HDAC9: variants seen among roughly 807,000 people sequenced by gnomAD.
HDAC9 encodes the protein MEF-2 interacting transcription repressor (MITR) protein.
A neutral mutation model predicts 139.4 loss-of-function variants in HDAC9; 41 were observed. That is an observed-to-expected ratio of 0.29 (90% CI 0.23 to 0.38). The LOEUF (loss-of-function observed/expected upper bound fraction) is 0.38, where lower values mean the gene tolerates loss of function less well. Among genes scored for constraint, HDAC9 ranks in the 10% least tolerant of loss-of-function variants. The probability of loss-of-function intolerance (pLI) is 1.00; values close to 1 mark genes in which losing one functional copy is unlikely to be tolerated. For missense variants in HDAC9, 1,147 were observed against 1,297.0 expected (o/e 0.88, Z 1.78); for synonymous variants, 517 against 476.2 (o/e 1.09, Z -1.12).
rs1317279803 is a variant in HDAC9 at position 18,775,413 on chromosome 7, C to G, written c.2214+8258C>G. ...GTGAAGCACAGTAAAACAAGGTGTG[C>G]CTGTATCGAGTATCTTCCTGACGAT... On this transcript the variant is annotated intron_variant, in intron 16 of 25. Transcript: ENST00000686413. 2.0e-5 allele frequency among the ~76,000 whole-genome samples: 3 copies of G among 151,992 alleles called. No homozygotes were observed. The South Asian group carries it at 6.2e-4, about 32-fold the overall frequency.
rs544138105 is a variant in HDAC9 at position 18,843,007 on chromosome 7, A to C, written c.2684+7010A>C. ...CAAATGCTACAACTTACTTCTTCTT[A>C]TTGTTTTTAAAAGGTCGGATCAGCT... On this transcript the variant is annotated intron_variant, in intron 21 of 25. Transcript: ENST00000686413. Among the ~76,000 whole-genome samples the C allele has an allele frequency of 1.4e-3, 208 of 152,202 alleles. 5 individuals are homozygous for C. In the South Asian group the frequency reaches 0.041, roughly 30 times the overall value.
intron 22 of HDAC9, among the ~76,000 whole-genome samples, chr7:18,935,299 AAAT>A (rs1281464834): frequency 6.6e-6 from 1 of 152,186 alleles, no homozygotes; most frequent in Non-Finnish European, 1.5e-5. Context: ...TTTCATAATA[AAAT>A]AATGCTTATA....
chr7:18,750,654 T>C (rs1228436545), intron 14 of HDAC9, among the ~76,000 whole-genome samples: 1 of 152,196 alleles, frequency 6.6e-6, no homozygotes, highest in Admixed American at 6.5e-5. Context: ...TTTAGAGTTA[T>C]CTTTAAGGAT....
At chr7:18,288,323 A>C (rs1797588708), upstream of HDAC9, among the ~76,000 whole-genome samples, 1 of 152,104 alleles carries the variant, frequency 6.6e-6, no homozygotes, top group South Asian at 2.1e-4. Flanking sequence ...ACCATCTATA[A>C]TTTGCCTTGG....
At chr7:18,974,460 G>A (rs934894480) in intron 24 of HDAC9, among the ~76,000 whole-genome samples, 1 of 152,156 alleles carries the variant, frequency 6.6e-6, no homozygotes, top group East Asian at 1.9e-4. Flanking sequence ...CTTGGTGTTA[G>A]GGAAGCATCT....
intron 14 of HDAC9, among the ~76,000 whole-genome samples, chr7:18,751,040 G>A (rs1788399902): frequency 6.6e-6 from 1 of 152,180 alleles, no homozygotes; most frequent in African/African-American, 2.4e-5. Context: ...AAGGAACAGA[G>A]TACAGAAATA....
At chr7:18,358,848 A>T (rs1783539933) in intron 1 of HDAC9, among the ~76,000 whole-genome samples, 1 of 152,204 alleles carries the variant, frequency 6.6e-6, no homozygotes, top group Admixed American at 6.5e-5. Flanking sequence ...AGGTATAATA[A>T]CCACGTTAGA....
At chr7:18,842,738 T>C (rs1796666202) in intron 21 of HDAC9, among the ~76,000 whole-genome samples, 1 of 152,148 alleles carries the variant, frequency 6.6e-6, no homozygotes, top group Non-Finnish European at 1.5e-5. Flanking sequence ...AAAATTACAA[T>C]TTCTAGGTGT....
chr7:18,118,443 A>T (rs147290411), intron 1 of HDAC9, among the ~76,000 whole-genome samples: 1 of 152,192 alleles, frequency 6.6e-6, no homozygotes, highest in Non-Finnish European at 1.5e-5. Context: ...GAACATAGAA[A>T]TTTTTTATAA....
At chr7:18,921,636 T>C (rs1038456730) in intron 22 of HDAC9, among the ~76,000 whole-genome samples, 1 of 152,154 alleles carries the variant, frequency 6.6e-6, no homozygotes, top group South Asian at 2.1e-4. Flanking sequence ...GGTGGGACTG[T>C]TAACTAGTTC....
At chr7:18,752,812 C>T (rs1788562363) in intron 14 of HDAC9, among the ~76,000 whole-genome samples, 1 of 152,102 alleles carries the variant, frequency 6.6e-6, no homozygotes, top group African/African-American at 2.4e-5. Flanking sequence ...GGGAACTATT[C>T]TCCCACCACG....
chr7:18,246,707 G>T (rs1433605522), intron 2 of HDAC9, among the ~76,000 whole-genome samples: 1 of 152,070 alleles, frequency 6.6e-6, no homozygotes, highest in African/African-American at 2.4e-5. Context: ...TAAGAACTAT[G>T]ACTTTTACTC....
In HDAC9 at chr7:18,795,257, T is replaced by TAA. The variant is rs5882676; in HGVS notation, c.2322+1832_2322+1833dup. On this transcript the variant is annotated intron_variant, in intron 17 of 25. Transcript: ENST00000686413. ...ATGGTTTAAAAAGAAAAGAAAACAG[T>TAA]AAAAAAAAAAAAAAAAAAAAAAAAA... Among the ~76,000 whole-genome samples, 161 of 65,478 alleles carry TAA rather than the reference T, an allele frequency of 2.5e-3. 1 individual carries two copies. The highest frequency in any genetic ancestry group is 0.023 in the South Asian group (37 of 1,600). 43.0% of individuals were successfully genotyped at this position (65,478 alleles called of 152,430 possible). A position where few individuals can be genotyped will look rare whatever the true frequency, so the allele number is the denominator to read the frequency against.
intron 2 of HDAC9, among the ~76,000 whole-genome samples, chr7:18,204,669 T>A (rs1247784069): frequency 6.6e-6 from 1 of 152,032 alleles, no homozygotes; most frequent in Non-Finnish European, 1.5e-5. Context: ...GTTCTTTTTT[T>A]CTTCATGTGT....
chr7:18,660,554 A>G (rs1011372000), intron 11 of HDAC9, among the ~76,000 whole-genome samples: 26 of 152,202 alleles, frequency 1.7e-4, no homozygotes, highest in African/African-American at 6.0e-4. Flanking sequence ...AAAAACATAT[A>G]GCTTATGCCC....
chr7:18,117,779 GT>G (rs1274204176), intron 1 of HDAC9, among the ~76,000 whole-genome samples: 1 of 152,190 alleles, frequency 6.6e-6, no homozygotes, highest in Non-Finnish European at 1.5e-5. Flanking sequence ...AACATCTGTG[GT>G]TTTAAGCTGC....
chr7:18,109,819 A>G (rs1783488078), intron 1 of HDAC9, among the ~76,000 whole-genome samples: 1 of 152,188 alleles, frequency 6.6e-6, no homozygotes, highest in African/African-American at 2.4e-5. Context: ...TTGAAATAAT[A>G]AGAAACTTTG....
At chr7:18,168,891 T>TGTGTGTGTGTG (rs1256067548) in intron 2 of HDAC9, among the ~76,000 whole-genome samples, 18 of 114,660 alleles carry the variant, frequency 1.6e-4, no homozygotes, top group African/African-American at 6.7e-4. Flanking sequence ...TTTTTTTTTT[T>TGTGTGTGTGTG]TTTTTTTGTG....
intron 6 of HDAC9, among the ~76,000 whole-genome samples, chr7:18,601,302 T>C (rs1251697745): frequency 2.6e-5 from 4 of 152,222 alleles, no homozygotes; most frequent in Non-Finnish European, 5.9e-5. Flanking sequence ...GCAGCTGACT[T>C]TTGTATATTA....
Sources: gnomAD v4.1 joint callset for allele counts (sites outside exome capture counted in the v4.1 genomes callset) on GRCh38, gnomAD v4.1.1 for gene constraint, MANE v1.5 for transcripts, NCBI Gene and HGNC (gene_info 2026-07-23, HGNC 2026-07-21) for gene names.